CLYBL: variants seen among roughly 807,000 people sequenced by gnomAD.
The protein encoded by CLYBL is citramalyl-CoA lyase.
Under a neutral mutation model 38.9 loss-of-function variants are expected in CLYBL, and 31 were observed. The observed-to-expected ratio is 0.80, with a 90% CI of 0.60 to 1.08. CLYBL has a LOEUF of 1.08. Ranked by LOEUF, CLYBL falls within the 50% of genes least tolerant of loss-of-function variation. The pLI is 0.00. For missense variants in CLYBL, 434 were observed against 411.6 expected (o/e 1.05, Z -0.47); for synonymous variants, 171 against 158.6 (o/e 1.08, Z -0.59).
chr13:99,879,074 T>C (rs1197846163), intron 7 of CLYBL, among the ~76,000 whole-genome samples: 3 of 152,150 alleles, frequency 2.0e-5, no homozygotes, highest in Non-Finnish European at 2.9e-5. Flanking sequence ...CTCCTCCCTG[T>C]TGTTCAGCCG....
rs141290966 is a variant in CLYBL at position 99,874,513 on chromosome 13, T to C, written c.927+3451T>C. On this transcript the variant is annotated intron_variant, in intron 7 of 8. Transcript: ENST00000339105. ...CATTCAGAACTGAATTTAATATGCT[T>C]ATTAAAGTAATAGGATTTCAACAGT... Among the ~76,000 whole-genome samples the C allele has an allele frequency of 7.9e-5, 12 of 152,206 alleles. No individual in the cohort carries two copies. The East Asian group carries it at 2.3e-3, about 29-fold the overall frequency.
intron 1 of CLYBL, among the ~76,000 whole-genome samples, chr13:99,672,597 A>T (rs534834457): frequency 6.6e-6 from 1 of 151,218 alleles, no homozygotes; most frequent in East Asian, 1.9e-4. Flanking sequence ...AACATGGTGA[A>T]ACCCCATCTC....
chr13:99,786,598 G>C (rs2049801347), intron 2 of CLYBL, among the ~76,000 whole-genome samples: 1 of 152,108 alleles, frequency 6.6e-6, no homozygotes, highest in Non-Finnish European at 1.5e-5. Flanking sequence ...TCTTAATCCA[G>C]TCTGTCATTG....
At chr13:99,831,585 A>T (rs544116175) in intron 2 of CLYBL, among the ~76,000 whole-genome samples, 3 of 152,330 alleles carry the variant, frequency 2.0e-5, no homozygotes, top group South Asian at 2.1e-4. Flanking sequence ...ATAAATAAAT[A>T]AAATAACTCT....
intron 1 of CLYBL, among the ~76,000 whole-genome samples, chr13:99,765,000 AT>A (rs2049240491): frequency 6.6e-6 from 1 of 151,316 alleles, no homozygotes; most frequent in African/African-American, 2.4e-5. Context: ...TTGTATTTAT[AT>A]TTAATTTACC....
At chr13:99,856,566 A>G (rs1268344214) in intron 2 of CLYBL, among the ~76,000 whole-genome samples, 1 of 152,164 alleles carries the variant, frequency 6.6e-6, no homozygotes, top group Non-Finnish European at 1.5e-5. Context: ...AGAGAAGAAC[A>G]TGCTTTAGGT....
chr13:99,632,763 CAAAA>C (rs1001311841), intron 1 of CLYBL, among the ~76,000 whole-genome samples: 1 of 150,726 alleles, frequency 6.6e-6, no homozygotes, highest in East Asian at 2.0e-4. Flanking sequence ...AAAACAAAAA[CAAAA>C]AAACCCCACT....
intron 1 of CLYBL, among the ~76,000 whole-genome samples, chr13:99,619,537 A>G (rs541765420): frequency 6.6e-5 from 10 of 152,246 alleles, no homozygotes; most frequent in Non-Finnish European, 1.3e-4. Flanking sequence ...TCTAGCTCCT[A>G]AAAATCAGAA....
Position 99,784,855 on chromosome 13 carries a change from T to G in CLYBL, c.249+11845T>G, listed in dbSNP as rs2049750518. On this transcript the variant is annotated intron_variant, in intron 2 of 8. Coordinates refer to ENST00000339105, the MANE Select transcript of CLYBL (RefSeq NM_206808.5). The stretch of plus-strand genomic sequence containing the variant: ...TAGGATAGCACTTCAGAGAACATGG[T>G]CAACCATTCCAAAACAAGGTACCCA... 2.0e-5 allele frequency among the ~76,000 whole-genome samples: 3 copies of G among 152,268 alleles called. No homozygotes were observed. In the South Asian group the frequency reaches 6.2e-4, roughly 32 times the overall value.
intron 1 of CLYBL, among the ~76,000 whole-genome samples, chr13:99,705,173 A>G (rs565192470): frequency 3.3e-5 from 5 of 152,320 alleles, no homozygotes; most frequent in African/African-American, 1.2e-4. Flanking sequence ...TATTCTTGAT[A>G]GCCAAAAGAT....
At chr13:99,759,974 G>A (rs1447898550) in intron 1 of CLYBL, among the ~76,000 whole-genome samples, 1 of 152,094 alleles carries the variant, frequency 6.6e-6, no homozygotes, top group African/African-American at 2.4e-5. Flanking sequence ...AATTATAAAA[G>A]GAGATTTTTG....
chr13:99,721,377 T>C (rs2048390012), intron 1 of CLYBL, among the ~76,000 whole-genome samples: 1 of 152,070 alleles, frequency 6.6e-6, no homozygotes, highest in Non-Finnish European at 1.5e-5. Flanking sequence ...GTAATCTAAT[T>C]TACTTACTAT....
intron 1 of CLYBL, among the ~76,000 whole-genome samples, chr13:99,768,696 A>G (rs1378135744): frequency 6.6e-6 from 1 of 151,400 alleles, no homozygotes; most frequent in Non-Finnish European, 1.5e-5. Context: ...TATTTTTAGT[A>G]GAGACATTGT....
At chr13:99,695,629 C>G (rs573376373) in intron 1 of CLYBL, among the ~76,000 whole-genome samples, 1 of 152,230 alleles carries the variant, frequency 6.6e-6, no homozygotes, top group African/African-American at 2.4e-5. Context: ...AAGAGATTCT[C>G]CTGCCTCAGC....
At chr13:99,754,999 G>A (rs1434125501) in intron 1 of CLYBL, among the ~76,000 whole-genome samples, 1 of 151,460 alleles carries the variant, frequency 6.6e-6, no homozygotes, top group Admixed American at 6.6e-5. Flanking sequence ...CCAGGTTGAC[G>A]CCATTCTCCT....
chr13:99,888,480 T>C (rs1425159662), intron 7 of CLYBL, among the ~76,000 whole-genome samples: 3 of 152,148 alleles, frequency 2.0e-5, no homozygotes, highest in African/African-American at 7.2e-5. Context: ...CCATGCGCAG[T>C]GGCTCACACC....
intron 1 of CLYBL, among the ~76,000 whole-genome samples, chr13:99,719,949 G>A (rs1246162234): frequency 6.6e-6 from 1 of 151,886 alleles, no homozygotes; most frequent in Non-Finnish European, 1.5e-5. Flanking sequence ...TCTTTTAGCA[G>A]GGATATTTAA....
At chr13:99,702,942 A>C (rs1272213470) in intron 1 of CLYBL, among the ~76,000 whole-genome samples, 1 of 152,240 alleles carries the variant, frequency 6.6e-6, no homozygotes, top group Non-Finnish European at 1.5e-5. Flanking sequence ...TGAGAGGAAT[A>C]CTTTCCACCA....
At position 99,866,314 on chromosome 13, in the gene CLYBL, G is replaced by C. The variant is rs2051742260; in HGVS notation, c.709G>C (p.Gly237Arg). Residue 237 changes from glycine (G) to arginine (R), a missense_variant, in exon 6 of 9, where the codon GGT (glycine) becomes CGT (arginine). Gly to Arg is a moderately radical substitution (Grantham distance 125). Coordinates refer to ENST00000339105, the MANE Select transcript of CLYBL (RefSeq NM_206808.5). ...GATTGTTGTCATAGCGAAAGCCTTT[G>C]GTCTCCAAGCCATAGATCTGGTGTA... The part of the protein sequence containing the change: ...QKIVVIAKAF[G>R]LQAIDLVYID... 6.2e-7 allele frequency: 1 copy of C among 1,613,960 alleles called. No individual in the cohort carries two copies. The highest frequency in any genetic ancestry group is 8.5e-7 in the Non-Finnish European group (1 of 1,180,008).
Sources: allele counts gnomAD v4.1 joint callset (sites outside exome capture counted in the v4.1 genomes callset), GRCh38; gene constraint gnomAD v4.1.1; transcripts MANE v1.5; gene names NCBI Gene and HGNC (gene_info 2026-07-23, HGNC 2026-07-21).